Variants in ROR1 observed in about 807,000 individuals in gnomAD.
ROR1 encodes ROR family WNT receptor 1.
A neutral mutation model predicts 78.8 loss-of-function variants in ROR1; 19 were observed. That is an observed-to-expected ratio of 0.24 (90% confidence interval 0.17 to 0.35). The LOEUF is 0.35. Ranked by LOEUF, ROR1 falls within the 10% of genes least tolerant of loss-of-function variation. The probability of loss-of-function intolerance (pLI) is 1.00; values close to 1 mark genes in which losing one functional copy is unlikely to be tolerated. For synonymous variants in ROR1, 386 were observed against 433.6 expected, an observed-to-expected ratio of 0.89 and a Z score of 1.36; for missense variants, 917 against 1,177.8, an observed-to-expected ratio of 0.78 and a Z score of 3.24.
chr1:63,913,145 A>G (rs1434579240), intron 1 of ROR1, among the ~76,000 whole-genome samples: 3 of 152,158 alleles, frequency 2.0e-5, no homozygotes, highest in Non-Finnish European at 4.4e-5. Flanking sequence ...GATAAAGGGT[A>G]TAGTGTGTAA....
chr1:63,843,256 G>A (rs767019719), intron 1 of ROR1: 17 of 1,503,106 alleles, frequency 1.1e-5, no homozygotes, highest in Admixed American at 3.4e-5. Context: ...AGGGTGCAGC[G>A]GTCCTTGACC....
At chr1:63,856,767 G>C (rs2051448294) in intron 1 of ROR1, among the ~76,000 whole-genome samples, 1 of 152,044 alleles carries the variant, frequency 6.6e-6, no homozygotes, top group Non-Finnish European at 1.5e-5. Flanking sequence ...CAATTATCCT[G>C]TTACTCCAAC....
chr1:63,937,250 A>G (rs1645801003), intron 1 of ROR1, among the ~76,000 whole-genome samples: 1 of 152,150 alleles, frequency 6.6e-6, no homozygotes, highest in African/African-American at 2.4e-5. Flanking sequence ...GTGCTTCTGG[A>G]TGGAATGTTC....
intron 1 of ROR1, among the ~76,000 whole-genome samples, chr1:63,895,322 A>G (rs1390215012): frequency 1.3e-5 from 2 of 152,208 alleles, no homozygotes; most frequent in Admixed American, 1.3e-4. Flanking sequence ...TCTCTGTTAG[A>G]CAGTGGGATA....
chr1:64,071,091 A>G (rs1646999798), intron 4 of ROR1, among the ~76,000 whole-genome samples: 1 of 152,258 alleles, frequency 6.6e-6, no homozygotes, highest in South Asian at 2.1e-4. Flanking sequence ...AAAGAAGGCC[A>G]GCGTGGCCAA....
intron 8 of ROR1, among the ~76,000 whole-genome samples, chr1:64,166,077 T>C (rs932794426): frequency 6.6e-6 from 1 of 152,358 alleles, no homozygotes; most frequent in African/African-American, 2.4e-5. Context: ...TTCAATCTTC[T>C]GCATATAGCT....
At chr1:64,003,600 G>A (rs950821311) in intron 1 of ROR1, among the ~76,000 whole-genome samples, 1 of 152,126 alleles carries the variant, frequency 6.6e-6, no homozygotes, top group Non-Finnish European at 1.5e-5. Flanking sequence ...TAAGTCAGCC[G>A]AGTCCCTAGT....
At chr1:64,061,296 G>A (rs1646915545) in intron 4 of ROR1, among the ~76,000 whole-genome samples, 1 of 152,174 alleles carries the variant, frequency 6.6e-6, no homozygotes, top group Non-Finnish European at 1.5e-5. Context: ...AGAAATGGGT[G>A]TCGGGAACAA....
chr1:63,876,622 T>A, intron 1 of ROR1, among the ~76,000 whole-genome samples: 1 of 151,516 alleles, frequency 6.6e-6, no homozygotes, highest in East Asian at 1.9e-4. Flanking sequence ...AAAGAGTATG[T>A]ATGCATGTGT....
intron 4 of ROR1, among the ~76,000 whole-genome samples, chr1:64,121,387 C>G (rs1648537574): frequency 6.6e-6 from 1 of 152,044 alleles, no homozygotes; most frequent in Admixed American, 6.5e-5. Flanking sequence ...AGCTGGTGGT[C>G]AGTTAATGTA....
At chr1:63,933,703 G>A (rs538463858) in intron 1 of ROR1, among the ~76,000 whole-genome samples, 2 of 152,172 alleles carry the variant, frequency 1.3e-5, no homozygotes, top group Admixed American at 6.5e-5. Context: ...GCCTTGAGAG[G>A]TTCAATGAGA....
chr1:63,856,462 C>T (rs1483249446), intron 1 of ROR1, among the ~76,000 whole-genome samples: 1 of 152,174 alleles, frequency 6.6e-6, no homozygotes, highest in African/African-American at 2.4e-5. Context: ...CATGTATGCA[C>T]TGATCAGCAC....
At chr1:64,043,389 C>CA (rs1270691609) in intron 2 of ROR1, among the ~76,000 whole-genome samples, 1 of 152,080 alleles carries the variant, frequency 6.6e-6, no homozygotes, top group Admixed American at 6.5e-5. Context: ...GAGGGGAATA[C>CA]AAAAAATGTA....
chr1:63,815,785 G>A (rs544343416), intron 1 of ROR1, among the ~76,000 whole-genome samples: 45 of 152,136 alleles, frequency 3.0e-4, no homozygotes, highest in African/African-American at 9.9e-4. Context: ...GGAATCATGT[G>A]GGGAACCGCC....
At chr1:64,004,218 G>A (rs75710782) in intron 1 of ROR1, among the ~76,000 whole-genome samples, 1,993 of 152,322 alleles carry the variant, frequency 0.013, 43 homozygotes, top group African/African-American at 0.046. Flanking sequence ...AAAATGAGGA[G>A]ATTGTATGAC....
At chr1:64,102,171 C>G (rs576426448) in intron 4 of ROR1, among the ~76,000 whole-genome samples, 1 of 152,090 alleles carries the variant, frequency 6.6e-6, no homozygotes, top group Non-Finnish European at 1.5e-5. Flanking sequence ...GTAGCAGAAC[C>G]CTGACCTCCA....
At chr1:64,149,978 T>C (rs1649575678) in intron 7 of ROR1, among the ~76,000 whole-genome samples, 1 of 152,212 alleles carries the variant, frequency 6.6e-6, no homozygotes, top group African/African-American at 2.4e-5. Flanking sequence ...ATGTTCTCTC[T>C]CTCTCTTTCT....
At chr1:64,142,682 A>G (rs1485421312) in intron 7 of ROR1, 32 bp downstream of exon 7, 2 of 1,610,746 alleles carry the variant, frequency 1.2e-6, no homozygotes, top group Admixed American at 1.7e-5. Context: ...TAATGTATTC[A>G]ATCATCTTTA....
intron 1 of ROR1, among the ~76,000 whole-genome samples, chr1:63,818,284 T>C (rs1363894111): frequency 6.6e-6 from 1 of 152,222 alleles, no homozygotes; most frequent in Non-Finnish European, 1.5e-5. Context: ...TAGGGGCTTC[T>C]TACCAGATTA....
Sources: allele counts gnomAD v4.1 joint callset (sites outside exome capture counted in the v4.1 genomes callset), GRCh38; gene constraint gnomAD v4.1.1; transcripts MANE v1.5; gene names NCBI Gene and HGNC (gene_info 2026-07-23, HGNC 2026-07-21).